The following DIAPH3 variants were observed in gnomAD, a reference collection of about 807,000 sequenced individuals.
The protein encoded by DIAPH3 is protein diaphanous homolog 3.
A neutral mutation model predicts 144.3 loss-of-function variants in DIAPH3; 117 were observed. The observed-to-expected ratio is 0.81, with a 90% CI of 0.70 to 0.95. The LOEUF is 0.95. Ranked by LOEUF, DIAPH3 falls within the 40% of genes least tolerant of loss-of-function variation. DIAPH3 has a pLI of 0.00. For synonymous variants in DIAPH3, 519 were observed against 488.9 expected (o/e 1.06, Z -0.81); for missense variants, 1,421 against 1,412.7 (o/e 1.01, Z -0.09).
intron 5 of DIAPH3, chr13:60,034,898 A>C: frequency 6.6e-6 from 1 of 152,192 alleles, no homozygotes; most frequent in East Asian, 1.9e-4. Flanking sequence ...TAGTTATATG[A>C]AACTGCGTTA....
chr13:59,750,290 C>T (rs2036940376), intron 27 of DIAPH3, among the ~76,000 whole-genome samples: 2 of 152,078 alleles, frequency 1.3e-5, no homozygotes, highest in Admixed American at 1.3e-4. Context: ...TTTTAAAAAC[C>T]TCATGAACTT....
intron 20 of DIAPH3, among the ~76,000 whole-genome samples, chr13:59,899,597 T>C (rs903700899): frequency 2.0e-5 from 3 of 152,158 alleles, no homozygotes; most frequent in Non-Finnish European, 4.4e-5. Context: ...CAGGGACAAA[T>C]TATGTAGAGC....
chr13:59,749,652 T>C (rs2036898664), intron 27 of DIAPH3, among the ~76,000 whole-genome samples: 1 of 151,720 alleles, frequency 6.6e-6, no homozygotes. Context: ...GCAAGATACC[T>C]TGCATATAAA....
intron 22 of DIAPH3, among the ~76,000 whole-genome samples, chr13:59,845,662 T>C (rs1487096654): frequency 2.0e-5 from 3 of 152,236 alleles, no homozygotes; most frequent in Non-Finnish European, 4.4e-5. Flanking sequence ...AATGTGTGTC[T>C]ATCTGCCTTG....
intron 22 of DIAPH3, among the ~76,000 whole-genome samples, chr13:59,845,551 C>T (rs534680415): frequency 1.3e-5 from 2 of 152,262 alleles, no homozygotes; most frequent in East Asian, 3.9e-4. Flanking sequence ...CTGGGGTGCT[C>T]TACTTCATAT....
chr13:59,700,838 AAGAGT>A (rs780935541), intron 27 of DIAPH3, among the ~76,000 whole-genome samples: 15 of 152,220 alleles, frequency 9.9e-5, no homozygotes, highest in Non-Finnish European at 1.6e-4. Context: ...ATAAATGTTA[AAGAGT>A]AGATTATTTT....
In DIAPH3 at chr13:59,984,715, A is replaced by T. The variant is rs907113720; in HGVS notation, c.1362-828T>A. Among the ~76,000 whole-genome samples the T allele has an allele frequency of 2.9e-5, 4 of 140,140 alleles. No homozygotes were observed. In the Admixed American group the frequency reaches 3.0e-4, roughly 10 times the overall value. 91.9% of individuals were successfully genotyped at this position (140,140 alleles called of 152,430 possible). A position where few individuals can be genotyped will look rare whatever the true frequency, so the allele number is the denominator to read the frequency against. On this transcript the variant is annotated intron_variant, in intron 12 of 27. Transcript: ENST00000400324. The stretch of plus-strand genomic sequence containing the variant: ...ACACCTCTACGCAAATAAACTAGAA[A>T]ATCTAGAAGAAATGGATACATTCCT...
chr13:59,949,326 T>G (rs2048977896), intron 17 of DIAPH3, among the ~76,000 whole-genome samples: 1 of 152,188 alleles, frequency 6.6e-6, no homozygotes, highest in African/African-American at 2.4e-5. Context: ...CCCATGAATT[T>G]TGTTTAGCAA....
intron 27 of DIAPH3, among the ~76,000 whole-genome samples, chr13:59,763,699 T>G (rs914229905): frequency 6.6e-6 from 1 of 152,042 alleles, no homozygotes; most frequent in African/African-American, 2.4e-5. Context: ...AAAAATTGTC[T>G]TTGATATCCC....
rs182053112 is a variant in DIAPH3, at chr13:60,028,857, G to A, written c.627-12712C>T. On this transcript the variant is annotated intron_variant, in intron 5 of 27. Coordinates refer to ENST00000400324, the MANE Select transcript of DIAPH3 (RefSeq NM_001042517.2). ...GGGCGGATCACAAGGTCAGGAGATC[G>A]AGACCATCCTGGCCAACATGGTGAA... Among the ~76,000 whole-genome samples, 74 of 152,146 alleles carry A rather than the reference G, an allele frequency of 4.9e-4. No individual in the cohort carries two copies. In the East Asian group the frequency reaches 0.012, roughly 25 times the overall value.
chr13:59,987,706 C>T (rs2051510070), intron 12 of DIAPH3, among the ~76,000 whole-genome samples: 1 of 150,634 alleles, frequency 6.6e-6, no homozygotes, highest in African/African-American at 2.4e-5. Context: ...TTTGGTTATG[C>T]CAAATATTAG....
intron 19 of DIAPH3, among the ~76,000 whole-genome samples, chr13:59,913,408 G>A (rs2047085311): frequency 6.6e-6 from 1 of 152,028 alleles, no homozygotes; most frequent in African/African-American, 2.4e-5. Flanking sequence ...ACAGCCCACA[G>A]TATTATTACT....
intron 17 of DIAPH3, among the ~76,000 whole-genome samples, chr13:59,963,747 C>A (rs1020435704): frequency 1.3e-5 from 2 of 152,136 alleles, no homozygotes; most frequent in African/African-American, 4.8e-5. Context: ...TTTGTAGAGA[C>A]AGGTCTCAAT....
At chr13:59,984,799 A>G (rs1454390879) in intron 12 of DIAPH3, among the ~76,000 whole-genome samples, 1 of 132,000 alleles carries the variant, frequency 7.6e-6, no homozygotes, top group Non-Finnish European at 1.6e-5. Context: ...GAATAGACCA[A>G]TAACAGGAGC....
intron 20 of DIAPH3, among the ~76,000 whole-genome samples, chr13:59,885,895 T>C (rs748626888): frequency 3.3e-5 from 5 of 152,080 alleles, no homozygotes; most frequent in African/African-American, 4.8e-5. Context: ...ATGCCTTCAT[T>C]TATGACTTCT....
At chr13:59,717,853 CA>C (rs201395786) in intron 27 of DIAPH3, among the ~76,000 whole-genome samples, 1 of 147,120 alleles carries the variant, frequency 6.8e-6, no homozygotes. Flanking sequence ...CCAAACCAAA[CA>C]AAAAAAAACA....
At chr13:59,755,264 A>G (rs2037199953) in intron 27 of DIAPH3, among the ~76,000 whole-genome samples, 1 of 152,196 alleles carries the variant, frequency 6.6e-6, no homozygotes, top group South Asian at 2.1e-4. Context: ...GTGCACAGCC[A>G]GGGCAAGGTC....
At chr13:59,825,200 A>AC (rs1217050098) in intron 24 of DIAPH3, among the ~76,000 whole-genome samples, 2 of 151,302 alleles carry the variant, frequency 1.3e-5, no homozygotes, top group African/African-American at 4.9e-5. Context: ...CCCCTACCCC[A>AC]CAACAGTCCC....
At chr13:59,930,159 G>C (rs1285934760) in intron 17 of DIAPH3, among the ~76,000 whole-genome samples, 2 of 151,974 alleles carry the variant, frequency 1.3e-5, no homozygotes, top group African/African-American at 2.4e-5. Flanking sequence ...TTGTATACAT[G>C]TTTTATAATC....
Sources: allele counts gnomAD v4.1 joint callset (sites outside exome capture counted in the v4.1 genomes callset), GRCh38; gene constraint gnomAD v4.1.1; transcripts MANE v1.5; gene names NCBI Gene and HGNC (gene_info 2026-07-23, HGNC 2026-07-21).